SRBD1: variants seen among roughly 807,000 people sequenced by gnomAD.
SRBD1 encodes the protein S1 RNA-binding domain-containing protein 1.
SRBD1 carries 88 observed loss-of-function variants against 115.3 expected under a neutral mutation model. The ratio of observed to expected loss-of-function variants is 0.76; its 90% CI spans 0.64 to 0.91. The LOEUF (loss-of-function observed/expected upper bound fraction) is 0.91, where lower values mean the gene tolerates loss of function less well. Among genes scored for constraint, SRBD1 ranks in the 40% least tolerant of loss-of-function variants. The pLI, the probability that SRBD1 is intolerant of heterozygous loss-of-function variation, is 0.00. For synonymous variants in SRBD1, 509 were observed against 407.7 expected, an observed-to-expected ratio of 1.25 and a Z score of -2.99; for missense variants, 1,385 against 1,177.4, an observed-to-expected ratio of 1.18 and a Z score of -2.58.
At chr2:45,548,230 G>A (rs1307431734) in intron 12 of SRBD1, among the ~76,000 whole-genome samples, 1 of 151,758 alleles carries the variant, frequency 6.6e-6, no homozygotes, top group Non-Finnish European at 1.5e-5. Context: ...GATAGAAAAT[G>A]TTGAAGTTAA....
chr2:45,563,837 C>T (rs577319278), intron 9 of SRBD1, among the ~76,000 whole-genome samples: 1 of 152,116 alleles, frequency 6.6e-6, no homozygotes, highest in South Asian at 2.1e-4. Context: ...ATGTCCAGGC[C>T]CAGATGGCAC....
chr2:45,574,570 G>A lies in SRBD1; in HGVS notation c.1169+57C>T, dbSNP rs137927442. 2.4e-3 allele frequency: 3,557 copies of A among 1,507,448 alleles called. 116 individuals carry two copies. The South Asian group carries it at 0.04, about 17-fold the overall frequency. The allele number at this position is 1,507,448 out of a possible 1,614,324, so 93.4% of individuals were successfully genotyped here. ...GAACATTGGTATTAGCACTAACCGT[G>A]TGACCCTTAACAGCATGAGTCCATA... is the stretch of plus-strand genomic sequence containing the variant. On this transcript the variant is annotated intron_variant, in intron 8 of 20. Coordinates refer to ENST00000263736, the MANE Select transcript of SRBD1 (RefSeq NM_018079.5).
chr2:45,518,998 C>G (rs1353797811), intron 14 of SRBD1, among the ~76,000 whole-genome samples: 1 of 149,516 alleles, frequency 6.7e-6, no homozygotes, highest in Non-Finnish European at 1.5e-5. Flanking sequence ...CCATTTTTCT[C>G]TAGCAGAATT....
At chr2:45,577,852 A>T (rs1372189410) in intron 7 of SRBD1, among the ~76,000 whole-genome samples, 1 of 152,194 alleles carries the variant, frequency 6.6e-6, no homozygotes, top group Non-Finnish European at 1.5e-5. Context: ...TAGCTTATAT[A>T]GACTTACTAA....
At chr2:45,561,702 G>T (rs952874396) in intron 10 of SRBD1, among the ~76,000 whole-genome samples, 6 of 152,058 alleles carry the variant, frequency 3.9e-5, no homozygotes, top group Non-Finnish European at 5.9e-5. Flanking sequence ...TTTTTGTGAG[G>T]ATCAATTACA....
rs149253392 is a variant in SRBD1, at chr2:45,579,950, C to T, written c.997G>A (p.Glu333Lys). 6.2e-7 allele frequency: 1 copy of T among 1,609,754 alleles called. No homozygotes were observed. Among genetic ancestry groups the T allele is most frequent in the South Asian group, 1.1e-5 (1 of 90,570 alleles). ...KAQRARQLGL[E>K]GAARALLEKP... ...TCAAGCAGTGCCCTGGCTGCTCCTT[C>T]TAAGCCCAACTGTCTTGCTCTCTGG... Residue 333 changes from glutamate (E) to lysine (K), a missense_variant, in exon 7 of 21, where the codon GAA (glutamate) becomes AAA (lysine). By Grantham distance (56) the Glu-to-Lys change is moderately conservative (BLOSUM62 1). Transcript: ENST00000263736.
At chr2:45,537,648 C>A (rs1283840455) in intron 14 of SRBD1, among the ~76,000 whole-genome samples, 1 of 152,132 alleles carries the variant, frequency 6.6e-6, no homozygotes, top group East Asian at 1.9e-4. Flanking sequence ...AAGAGTTAGA[C>A]TTGAGAGAAA....
In SRBD1 at chr2:45,532,740, T is replaced by G. The variant is rs545664796; in HGVS notation, c.1874+13992A>C. Among the ~76,000 whole-genome samples, 23 of 151,790 alleles carry G rather than the reference T, an allele frequency of 1.5e-4. 1 individual carries two copies. In the South Asian group the frequency reaches 4.6e-3, roughly 30 times the overall value. On this transcript the variant is annotated intron_variant, in intron 14 of 20. Coordinates refer to ENST00000263736, the MANE Select transcript of SRBD1 (RefSeq NM_018079.5). Reference sequence around the variant, plus strand: ...ACTTAAAAGAGGTATTTCATTAAGTTAGGAGAGCATAATACAAAGATTTAG... The same window carrying G: ...ACTTAAAAGAGGTATTTCATTAAGTGAGGAGAGCATAATACAAAGATTTAG...
intron 3 of SRBD1, 150 bp downstream of exon 3, chr2:45,601,753 C>T: frequency 1.0e-6 from 1 of 999,868 alleles, no homozygotes. Flanking sequence ...AAACACAGTA[C>T]AGACCCAAAA....
At chr2:45,511,551 G>A (rs1670969984) in intron 14 of SRBD1, among the ~76,000 whole-genome samples, 1 of 152,164 alleles carries the variant, frequency 6.6e-6, no homozygotes, top group South Asian at 2.1e-4. Context: ...TTTACATGAG[G>A]CAGGTACTTA....
At chr2:45,476,072 G>C (rs1669795555) in intron 16 of SRBD1, among the ~76,000 whole-genome samples, 1 of 152,152 alleles carries the variant, frequency 6.6e-6, no homozygotes, top group South Asian at 2.1e-4. Flanking sequence ...CTATCTTTCT[G>C]AAATGAGTAA....
At chr2:45,477,242 C>G (rs188881328) in intron 15 of SRBD1, among the ~76,000 whole-genome samples, 167 bp from the exon 16 acceptor site, 2 of 152,072 alleles carry the variant, frequency 1.3e-5, no homozygotes, top group Non-Finnish European at 2.9e-5. Context: ...TTTCCCCACA[C>G]AAAAAGTAAA....
intron 14 of SRBD1, among the ~76,000 whole-genome samples, chr2:45,524,027 C>A (rs1671365872): frequency 6.6e-6 from 1 of 151,956 alleles, no homozygotes; most frequent in Non-Finnish European, 1.5e-5. Flanking sequence ...ACAGTACATA[C>A]AATCATGTCA....
At chr2:45,543,352 T>C (rs1287802458) in intron 14 of SRBD1, among the ~76,000 whole-genome samples, 3 of 152,192 alleles carry the variant, frequency 2.0e-5, no homozygotes, top group African/African-American at 4.8e-5. Context: ...GACAGATGAA[T>C]GGGTCAGGTT....
intron 14 of SRBD1, among the ~76,000 whole-genome samples, chr2:45,516,193 T>A (rs1203043782): frequency 6.6e-6 from 1 of 152,182 alleles, no homozygotes; most frequent in Admixed American, 6.6e-5. Flanking sequence ...TGAGAATCTT[T>A]TGCTCTTAAA....
At chr2:45,459,032 T>C (rs1388264972) in intron 16 of SRBD1, among the ~76,000 whole-genome samples, 1 of 152,146 alleles carries the variant, frequency 6.6e-6, no homozygotes, top group Non-Finnish European at 1.5e-5. Context: ...TGCCAACCGA[T>C]AACCAGATCA....
chr2:45,407,562 T>G (rs960858960), intron 19 of SRBD1, among the ~76,000 whole-genome samples: 3 of 152,150 alleles, frequency 2.0e-5, no homozygotes, highest in Non-Finnish European at 2.9e-5. Context: ...TTTATATACT[T>G]CAGCCCCTAT....
chr2:45,436,850 T>C (rs1668513876), intron 16 of SRBD1, among the ~76,000 whole-genome samples: 1 of 152,206 alleles, frequency 6.6e-6, no homozygotes, highest in African/African-American at 2.4e-5. Flanking sequence ...ACAGATAATA[T>C]GATCGTCTAT....
At chr2:45,478,021 T>G (rs1344524482) in intron 15 of SRBD1, among the ~76,000 whole-genome samples, 1 of 151,624 alleles carries the variant, frequency 6.6e-6, no homozygotes, top group Non-Finnish European at 1.5e-5. Context: ...GTTTATAAGA[T>G]AGATTTAGCT....
Sources: allele counts gnomAD v4.1 joint callset (sites outside exome capture counted in the v4.1 genomes callset), GRCh38; gene constraint gnomAD v4.1.1; transcripts MANE v1.5; gene names NCBI Gene and HGNC (gene_info 2026-07-23, HGNC 2026-07-21).